PAPPA2: variants seen among roughly 807,000 people sequenced by gnomAD.
PAPPA2 encodes pappalysin 2.
A neutral mutation model predicts 176.4 loss-of-function variants in PAPPA2; 86 were observed. The ratio of observed to expected loss-of-function variants is 0.49; its 90% CI spans 0.41 to 0.58. The LOEUF is 0.58. Ranked by LOEUF, PAPPA2 falls within the 20% of genes least tolerant of loss-of-function variation. PAPPA2 has a pLI of 0.00. For synonymous variants in PAPPA2, 809 were observed against 852.2 expected (o/e 0.95, Z 0.88); for missense variants, 2,073 against 2,256.9 (o/e 0.92, Z 1.65).
At chr1:176,758,597 A>G (rs752196964) in intron 14 of PAPPA2, among the ~76,000 whole-genome samples, 2 of 152,186 alleles carry the variant, frequency 1.3e-5, no homozygotes, top group Non-Finnish European at 2.9e-5. Context: ...ATGAAGTGAA[A>G]CAGTAGAGAA....
chr1:176,618,596 A>G (rs1655411237), intron 3 of PAPPA2, among the ~76,000 whole-genome samples: 1 of 152,240 alleles, frequency 6.6e-6, no homozygotes, highest in South Asian at 2.1e-4. Flanking sequence ...TTGTTCATTC[A>G]TTCAAACAAT....
chr1:176,752,050 G>A (rs2102888546), intron 14 of PAPPA2, among the ~76,000 whole-genome samples: 1 of 101,238 alleles, frequency 9.9e-6, no homozygotes, highest in South Asian at 3.8e-4. Flanking sequence ...TAGGGACATG[G>A]ATGAAATTGG....
At chr1:176,747,383 A>G (rs1337024972) in intron 14 of PAPPA2, among the ~76,000 whole-genome samples, 1 of 152,214 alleles carries the variant, frequency 6.6e-6, no homozygotes, top group Non-Finnish European at 1.5e-5. Flanking sequence ...GACTTTTGGG[A>G]AAGTGTAGGA....
At chr1:176,748,032 G>C (rs918043807) in intron 14 of PAPPA2, among the ~76,000 whole-genome samples, 7 of 152,142 alleles carry the variant, frequency 4.6e-5, no homozygotes, top group African/African-American at 1.7e-4. Context: ...ACAATCTTTT[G>C]TAACATAATC....
At chr1:176,711,748 A>G in intron 11 of PAPPA2, 87 bp from the exon 12 acceptor site, 1 of 1,425,126 alleles carries the variant, frequency 7.0e-7, no homozygotes, top group Admixed American at 1.9e-5. Context: ...AGAGAGAACA[A>G]CTTTGCTTTG....
At chr1:176,634,853 GATAC>G (rs1656584475) in intron 3 of PAPPA2, among the ~76,000 whole-genome samples, 1 of 140,786 alleles carries the variant, frequency 7.1e-6, no homozygotes, top group South Asian at 2.4e-4. Context: ...TAGATACATA[GATAC>G]ATAGATACAT....
At chr1:176,811,457 G>A (rs1666144881) in intron 21 of PAPPA2, among the ~76,000 whole-genome samples, 1 of 152,030 alleles carries the variant, frequency 6.6e-6, no homozygotes, top group Non-Finnish European at 1.5e-5. Context: ...TTCTTGCCAA[G>A]TTTTTTAGGA....
intron 14 of PAPPA2, among the ~76,000 whole-genome samples, chr1:176,740,543 A>G (rs985825399): frequency 2.0e-5 from 3 of 152,216 alleles, no homozygotes; most frequent in Non-Finnish European, 4.4e-5. Flanking sequence ...TTCCTTAAGC[A>G]ATGTATATTT....
chr1:176,526,617 G>A (rs1233198805), intron 1 of PAPPA2, among the ~76,000 whole-genome samples: 18 of 152,174 alleles, frequency 1.2e-4, no homozygotes, highest in Non-Finnish European at 2.4e-4. Context: ...AGACACTGAG[G>A]TTTCGGGGTG....
At chr1:176,491,362 G>A (rs1647283395) in intron 1 of PAPPA2, among the ~76,000 whole-genome samples, 2 of 152,214 alleles carry the variant, frequency 1.3e-5, no homozygotes, top group Non-Finnish European at 2.9e-5. Context: ...GTTGGGAGCT[G>A]TCTTCATAGA....
At chr1:176,537,308 C>T (rs1650119219) in intron 1 of PAPPA2, 1 of 152,248 alleles carries the variant, frequency 6.6e-6, no homozygotes, top group African/African-American at 2.4e-5. Flanking sequence ...AGCCCTACTC[C>T]TCTCAAGGCA....
chr1:176,594,608 A>T lies in PAPPA2; in HGVS notation c.1004A>T (p.Asp335Val). 1 of 1,614,154 alleles carries T rather than the reference A, an allele frequency of 6.2e-7. No homozygotes were observed. Among genetic ancestry groups the T allele is most frequent in the South Asian group, 1.1e-5 (1 of 91,078 alleles). The stretch of plus-strand genomic sequence containing the variant: ...TCAGGGAAGGACAAGGGAAAGCGGG[A>T]TGCTCGCTTCTTCTTCTCCCTCTGC... ...IRSGKDKGKR[D>V]ARFFFSLCTD... The change falls in exon 3 of 23, where the codon GAT (aspartate) becomes GTT (valine). Residue 335 changes from aspartate (D) to valine (V), a missense_variant. Coordinates refer to ENST00000367662, the MANE Select transcript of PAPPA2 (RefSeq NM_020318.3).
chr1:176,534,464 T>G (rs1037750610), intron 1 of PAPPA2, among the ~76,000 whole-genome samples: 1 of 152,178 alleles, frequency 6.6e-6, no homozygotes, highest in African/African-American at 2.4e-5. Context: ...TCTGGCTGCC[T>G]AGAACAGGAA....
Position 176,594,518 on chromosome 1 carries a change from T to C in PAPPA2, c.920-6T>C, listed in dbSNP as rs907675593. 1.9e-6 allele frequency: 3 copies of C among 1,608,920 alleles called. No homozygotes were observed. In the East Asian group the frequency reaches 6.7e-5, roughly 36 times the overall value. On this transcript the variant is annotated splice_region_variant and splice_polypyrimidine_tract_variant and intron_variant, in intron 2 of 22. Transcript: ENST00000367662. ...TCTCTTCCCTCGATTCTTCCTTCTT[T>C]CCCAGGTGTGTTTGATAACTGCTCC... is the stretch of plus-strand genomic sequence containing the variant.
chr1:176,499,655 C>A (rs552619419), intron 1 of PAPPA2, among the ~76,000 whole-genome samples: 2 of 152,280 alleles, frequency 1.3e-5, no homozygotes, highest in South Asian at 4.1e-4. Flanking sequence ...GATCTACCAG[C>A]TCTCCTTCAT....
intron 12 of PAPPA2, 115 bp from the exon 13 acceptor site, chr1:176,739,511 T>A: frequency 1.7e-6 from 2 of 1,146,220 alleles, no homozygotes; most frequent in Non-Finnish European, 2.4e-6. Flanking sequence ...ATAAAAAAAA[T>A]GGAAGCTCTT....
chr1:176,724,537 G>T lies in PAPPA2; in HGVS notation c.3798+12556G>T, dbSNP rs570540129. On this transcript the variant is annotated intron_variant, in intron 12 of 22. Coordinates refer to ENST00000367662, the MANE Select transcript of PAPPA2 (RefSeq NM_020318.3). ...AATTTGGAATGGTCTCGTTCAGGCT[G>T]GACTGGTTAGCAATCCCAACAGCAA... 1.4e-4 allele frequency among the ~76,000 whole-genome samples: 21 copies of T among 152,210 alleles called. No individual in the cohort carries two copies. The South Asian group carries it at 4.2e-3, about 30-fold the overall frequency.
intron 8 of PAPPA2, 59 bp from the exon 9 acceptor site, chr1:176,702,548 G>T (rs1660697336): frequency 3.1e-6 from 5 of 1,595,956 alleles, no homozygotes; most frequent in Non-Finnish European, 4.3e-6. Flanking sequence ...ATCAACAAAG[G>T]ACCCAGGGCA....
chr1:176,799,495 C>T lies in PAPPA2; in HGVS notation c.5131-566C>T, dbSNP rs530605094. Among the ~76,000 whole-genome samples the T allele has an allele frequency of 2.0e-5, 3 of 152,226 alleles. 1 individual carries two copies. The South Asian group carries it at 6.2e-4, about 32-fold the overall frequency. On this transcript the variant is annotated intron_variant, in intron 20 of 22. Coordinates refer to ENST00000367662, the MANE Select transcript of PAPPA2 (RefSeq NM_020318.3). ...CCTGCATATGTGTACTGTCTGGTTT[C>T]CTACAGGGCAGGCTGCATGATGATA...
Sources: gnomAD v4.1 joint callset for allele counts (sites outside exome capture counted in the v4.1 genomes callset) on GRCh38, gnomAD v4.1.1 for gene constraint, MANE v1.5 for transcripts, NCBI Gene and HGNC (gene_info 2026-07-23, HGNC 2026-07-21) for gene names.